TUBGCP3: variants seen among roughly 807,000 people sequenced by gnomAD.
TUBGCP3 encodes the protein tubulin gamma complex component 3, also known as gamma-tubulin complex component 3.
A neutral mutation model predicts 123.1 loss-of-function variants in TUBGCP3; 50 were observed. The observed-to-expected ratio is 0.41, with a 90% CI of 0.32 to 0.51. The LOEUF is 0.51. Among genes scored for constraint, TUBGCP3 ranks in the 20% least tolerant of loss-of-function variants. The pLI, the probability that TUBGCP3 is intolerant of heterozygous loss-of-function variation, is 0.36. For missense variants in TUBGCP3, 882 were observed against 1,127.0 expected (o/e 0.78, Z 3.11); for synonymous variants, 405 against 413.9 (o/e 0.98, Z 0.26).
In TUBGCP3 at chr13:112,504,622, G is replaced by A; in HGVS notation, c.2175+4C>T. Reference sequence around the variant, plus strand: ...CTAAAATCAACACAATGACTGAAGTGTACCTCAAATGTGATGTAATACTGC... The same window carrying A: ...CTAAAATCAACACAATGACTGAAGTATACCTCAAATGTGATGTAATACTGC... On this transcript the variant is annotated splice_donor_region_variant and intron_variant, in intron 18 of 21. Transcript: ENST00000261965. 2 of 1,612,048 alleles carry A rather than the reference G, an allele frequency of 1.2e-6. No individual in the cohort carries two copies. Among genetic ancestry groups the A allele is most frequent in the South Asian group, 1.1e-5 (1 of 90,786 alleles).
intron 2 of TUBGCP3, among the ~76,000 whole-genome samples, chr13:112,567,093 C>G (rs1881010872): frequency 1.3e-5 from 2 of 152,168 alleles, no homozygotes; most frequent in African/African-American, 2.4e-5. Flanking sequence ...ACTATAGGTG[C>G]TGAAGGAGGT....
At chr13:112,520,104 A>T (rs1421286643) in intron 14 of TUBGCP3, 83 bp from the exon 15 acceptor site, 1 of 1,355,562 alleles carries the variant, frequency 7.4e-7, no homozygotes, top group African/African-American at 1.5e-5. Flanking sequence ...ATTAAAAGTA[A>T]GAGTTCAAAT....
rs1879602848 is a variant in TUBGCP3 at position 112,485,538 on chromosome 13, G to C, written c.*455C>G. The C allele has an allele frequency of 6.5e-6, 1 of 154,812 alleles. No homozygotes were observed. Among genetic ancestry groups the C allele is most frequent in the East Asian group, 1.9e-4 (1 of 5,228 alleles). 9.6% of individuals were successfully genotyped at this position (154,812 alleles called of 1,614,324 possible). A position where few individuals can be genotyped will look rare whatever the true frequency, so the allele number is the denominator to read the frequency against. On this transcript the variant is annotated 3_prime_UTR_variant, in exon 22 of 22. Coordinates refer to ENST00000261965, the MANE Select transcript of TUBGCP3 (RefSeq NM_006322.6). ...TATATTTTCTTAGTTGGGACATTTT[G>C]TTTCAATTTAATTTTTGGTTATGTT...
At chr13:112,576,397 G>C (rs1467168511) in intron 1 of TUBGCP3, among the ~76,000 whole-genome samples, 1 of 152,188 alleles carries the variant, frequency 6.6e-6, no homozygotes, top group African/African-American at 2.4e-5. Flanking sequence ...ATGGGTGAAT[G>C]AGTTCTGGAG....
At chr13:112,552,485 G>A (rs549877778) in intron 8 of TUBGCP3, among the ~76,000 whole-genome samples, 7 of 152,306 alleles carry the variant, frequency 4.6e-5, no homozygotes, top group South Asian at 4.1e-4. Flanking sequence ...GCTGGTCATC[G>A]AGCAATTCAC....
In TUBGCP3 at chr13:112,587,939, C is replaced by A; in HGVS notation, c.42G>T (p.Gln14His). Residue 14 changes from glutamine (Q) to histidine (H), a missense_variant, in exon 1 of 22, where the codon CAG becomes CAT. Around this residue, in one of 3 missense-constraint regions of TUBGCP3, gnomAD observed 713 missense variants for 874.0 expected, o/e 0.82. Coordinates refer to ENST00000261965, the MANE Select transcript of TUBGCP3 (RefSeq NM_006322.6). ...PDQKSPNVLLQNLCCRILGRS... is the reference protein window; with the variant it reads ...PDQKSPNVLLHNLCCRILGRS... ...TGCCCAGGATCCTGCAGCACAGGTT[C>A]TGCAGCAGAACGTTCGGCGACTTCT... 6.3e-7 allele frequency: 1 copy of A among 1,594,610 alleles called. No homozygotes were observed. The highest frequency in any genetic ancestry group is 8.5e-7 in the Non-Finnish European group (1 of 1,171,996).
intron 13 of TUBGCP3, among the ~76,000 whole-genome samples, chr13:112,525,942 A>G (rs1371211695): frequency 6.6e-6 from 1 of 152,204 alleles, no homozygotes; most frequent in African/African-American, 2.4e-5. Context: ...ATATACATAC[A>G]TAATACTATG....
the TUBGCP3 span, among the ~76,000 whole-genome samples, chr13:112,599,058 C>T: frequency 6.7e-6 from 1 of 149,832 alleles, no homozygotes; most frequent in Non-Finnish European, 1.5e-5. Flanking sequence ...ATAAAGATGG[C>T]AGAGTTAAAC....
At chr13:112,551,056 G>A (rs977840424) in intron 8 of TUBGCP3, among the ~76,000 whole-genome samples, 8 of 151,926 alleles carry the variant, frequency 5.3e-5, no homozygotes, top group Admixed American at 1.3e-4. Flanking sequence ...CCGAGATCGC[G>A]CCACTGCACT....
In TUBGCP3 at chr13:112,553,567, C is replaced by T. The variant is rs546110260; in HGVS notation, c.966+490G>A. 1.1e-4 allele frequency among the ~76,000 whole-genome samples: 17 copies of T among 152,332 alleles called. No individual in the cohort carries two copies. The South Asian group carries it at 3.5e-3, about 32-fold the overall frequency. Reference sequence around the variant, plus strand: ...CCCTCCCAACCATGCACTGTGCCATCGGCAGTGCCCACCCAGGGCTGTCCA... The same window carrying T: ...CCCTCCCAACCATGCACTGTGCCATTGGCAGTGCCCACCCAGGGCTGTCCA... On this transcript the variant is annotated intron_variant, in intron 8 of 21. Transcript: ENST00000261965.
At chr13:112,603,242 C>T in the TUBGCP3 span, 1 of 152,284 alleles carries the variant, frequency 6.6e-6, no homozygotes, top group African/African-American at 2.4e-5. Context: ...GATTTGCATA[C>T]AAGAAGAACC....
chr13:112,486,863 C>T (rs1203752335), intron 21 of TUBGCP3, among the ~76,000 whole-genome samples: 1 of 152,236 alleles, frequency 6.6e-6, no homozygotes, highest in Admixed American at 6.5e-5. Flanking sequence ...CCTGGAAAGG[C>T]CTCATCTGCA....
At chr13:112,552,188 T>C (rs572386523) in intron 8 of TUBGCP3, among the ~76,000 whole-genome samples, 1 of 152,354 alleles carries the variant, frequency 6.6e-6, no homozygotes, top group Non-Finnish European at 1.5e-5. Context: ...ACTATAGTGA[T>C]GATCAATCCA....
intron 17 of TUBGCP3, among the ~76,000 whole-genome samples, chr13:112,512,177 T>G (rs943133187): frequency 2.0e-5 from 3 of 152,020 alleles, no homozygotes; most frequent in African/African-American, 7.3e-5. Context: ...CCCCAATACT[T>G]TGGGAGGCCA....
At chr13:112,527,324 T>G in intron 12 of TUBGCP3, 50 bp downstream of exon 12, 1 of 1,308,926 alleles carries the variant, frequency 7.6e-7, no homozygotes, top group African/African-American at 1.5e-5. Context: ...ATAATCTAAG[T>G]ATACATAGCC....
At position 112,588,102 on chromosome 13, in the gene TUBGCP3, C is replaced by A. The variant is rs1487551840; in HGVS notation, c.-122G>T. 1.2e-6 allele frequency: 1 copy of A among 836,024 alleles called. No individual in the cohort carries two copies. Among genetic ancestry groups the A allele is most frequent in the South Asian group, 3.4e-5 (1 of 29,538 alleles). 51.8% of individuals were successfully genotyped at this position (836,024 alleles called of 1,614,324 possible). A position where few individuals can be genotyped will look rare whatever the true frequency, so the allele number is the denominator to read the frequency against. ...TCCCTGCTCCTGACAGGCTAAGGCG[C>A]GGGCGCCGCCGGCCACCAGGGCGCC... is the stretch of plus-strand genomic sequence containing the variant. On this transcript the variant is annotated 5_prime_UTR_variant, in exon 1 of 22. Coordinates refer to ENST00000261965, the MANE Select transcript of TUBGCP3 (RefSeq NM_006322.6).
intron 16 of TUBGCP3, 31 bp from the exon 17 acceptor site, chr13:112,516,606 T>C (rs1049590664): frequency 1.9e-6 from 3 of 1,604,328 alleles, no homozygotes; most frequent in East Asian, 2.2e-5. Context: ...AAGTTGATAG[T>C]ATTCCCACGT....
intron 17 of TUBGCP3, among the ~76,000 whole-genome samples, chr13:112,513,983 T>A (rs1338894922): frequency 6.6e-6 from 1 of 152,146 alleles, no homozygotes; most frequent in Non-Finnish European, 1.5e-5. Flanking sequence ...AATCAACCCT[T>A]TGTCCAGCAA....
intron 11 of TUBGCP3, among the ~76,000 whole-genome samples, chr13:112,529,626 G>C (rs1489526792): frequency 6.6e-6 from 1 of 152,116 alleles, no homozygotes; most frequent in East Asian, 1.9e-4. Flanking sequence ...GCTATAGATG[G>C]TGCTCTAGGC....
Sources: gnomAD v4.1 joint callset for allele counts (sites outside exome capture counted in the v4.1 genomes callset) on GRCh38, gnomAD v4.1.1 for gene constraint, gnomAD v4.1.1 regional missense constraint, MANE v1.5 for transcripts, NCBI Gene and HGNC (gene_info 2026-07-23, HGNC 2026-07-21) for gene names.